Variants in COMMD7 observed in about 807,000 individuals in gnomAD.
COMMD7 encodes the protein COMM domain-containing protein 7.
COMMD7 carries 28 observed loss-of-function variants against 34.8 expected under a neutral mutation model. The ratio of observed to expected loss-of-function variants is 0.80; its 90% CI spans 0.60 to 1.10. The LOEUF is 1.10. Ranked by LOEUF, COMMD7 falls within the 50% of genes least tolerant of loss-of-function variation. COMMD7 has a pLI of 0.00. For synonymous variants in COMMD7, 80 were observed against 86.4 expected (o/e 0.93, Z 0.41); for missense variants, 211 against 241.6 (o/e 0.87, Z 0.84).
chr20:32,734,659 G>A (rs768632016), intron 1 of COMMD7, among the ~76,000 whole-genome samples: 7 of 152,052 alleles, frequency 4.6e-5, no homozygotes, highest in Non-Finnish European at 7.4e-5. Context: ...CAGGCACAGC[G>A]GCTCACGCCT....
At chr20:32,739,969 C>T (rs56375708) in intron 1 of COMMD7, among the ~76,000 whole-genome samples, 31,031 of 141,690 alleles carry the variant, frequency 0.22, 7,224 homozygotes, top group Non-Finnish European at 0.3. Context: ...TTTCAGTGAG[C>T]CGAGATCACA....
At position 32,704,802 on chromosome 20, in the gene COMMD7, G is replaced by GT; in HGVS notation, c.427+11dup. ...CCACCCAAATAACCCAGGACTGGTT[G>GT]TAACTAGTTACCTCCAAATTTCCAC... On this transcript the variant is annotated intron_variant, in intron 6 of 8. Coordinates refer to ENST00000278980, the MANE Select transcript of COMMD7 (RefSeq NM_053041.3). 6.2e-7 allele frequency: 1 copy of GT among 1,600,052 alleles called. No individual in the cohort carries two copies. The highest frequency in any genetic ancestry group is 8.6e-7 in the Non-Finnish European group (1 of 1,167,310).
chr20:32,739,717 G>T lies in COMMD7; in HGVS notation c.84+3591C>A, dbSNP rs116149352. ...TCCAGTGGCCACTTGCCACATAAGC[G>T]CTTGAAAAGGGCTAATCTGACCAGG... On this transcript the variant is annotated intron_variant, in intron 1 of 8. Coordinates refer to ENST00000278980, the MANE Select transcript of COMMD7 (RefSeq NM_053041.3). Among the ~76,000 whole-genome samples, 321 of 136,230 alleles carry T rather than the reference G, an allele frequency of 2.4e-3. 37 individuals carry two copies. Among genetic ancestry groups the T allele is most frequent in the African/African-American group, 8.7e-3 (313 of 35,866 alleles). 89.4% of individuals were successfully genotyped at this position (136,230 alleles called of 152,430 possible). A position where few individuals can be genotyped will look rare whatever the true frequency, so the allele number is the denominator to read the frequency against.
chr20:32,736,046 C>T (rs1251077147), intron 1 of COMMD7, among the ~76,000 whole-genome samples: 2 of 152,192 alleles, frequency 1.3e-5, no homozygotes, highest in Non-Finnish European at 2.9e-5. Flanking sequence ...CTATCTGCTT[C>T]TTCATTTTAT....
rs181799289 is a variant in COMMD7 at position 32,709,439 on chromosome 20, T to G, written c.242-2679A>C. On this transcript the variant is annotated intron_variant, in intron 3 of 8. Coordinates refer to ENST00000278980, the MANE Select transcript of COMMD7 (RefSeq NM_053041.3). ...ACAGGCTGGGCGCCTGTTACAAAATTAGCCAGGAGGGTGAGGCAGGAGAAT... is the reference window on the plus strand; with the variant it reads ...ACAGGCTGGGCGCCTGTTACAAAATGAGCCAGGAGGGTGAGGCAGGAGAAT... Among the ~76,000 whole-genome samples, 3 of 150,550 alleles carry G rather than the reference T, an allele frequency of 2.0e-5. No individual in the cohort carries two copies. The East Asian group carries it at 5.8e-4, about 29-fold the overall frequency.
At chr20:32,731,810 C>G (rs2145773549) in intron 1 of COMMD7, among the ~76,000 whole-genome samples, 1 of 152,328 alleles carries the variant, frequency 6.6e-6, no homozygotes, top group Middle Eastern at 3.4e-3. Context: ...CTCTGGAATG[C>G]TCACCCACCC....
intron 3 of COMMD7, among the ~76,000 whole-genome samples, chr20:32,710,304 T>C (rs773113370): frequency 6.6e-6 from 1 of 152,160 alleles, no homozygotes; most frequent in Non-Finnish European, 1.5e-5. Flanking sequence ...GAACACCAGC[T>C]TGATAAGAAC....
chr20:32,728,451 C>G (rs758777327), intron 1 of COMMD7, among the ~76,000 whole-genome samples: 1 of 15,960 alleles, frequency 6.3e-5, no homozygotes, highest in Non-Finnish European at 2.6e-4. Context: ...CAGACATACA[C>G]ACACACACAC....
intron 1 of COMMD7, among the ~76,000 whole-genome samples, chr20:32,736,450 C>A (rs1232722820): frequency 6.6e-6 from 1 of 151,978 alleles, no homozygotes; most frequent in Non-Finnish European, 1.5e-5. Flanking sequence ...GCCGGCGGAT[C>A]ACAAGGTCAG....
intron 1 of COMMD7, among the ~76,000 whole-genome samples, chr20:32,733,351 C>T (rs6119942): frequency 0.26 from 39,394 of 151,704 alleles, 5,262 homozygotes; most frequent in Middle Eastern, 0.31. Flanking sequence ...GAGGTTGAGG[C>T]GGGGGGATAA....
intron 8 of COMMD7, chr20:32,703,681 C>A (rs28482886): frequency 0.69 from 994,113 of 1,436,054 alleles, 349,118 homozygotes; most frequent in Middle Eastern, 0.79. Context: ...AATGGCACAG[C>A]TCCATGGCAC....
intron 3 of COMMD7, among the ~76,000 whole-genome samples, chr20:32,710,420 C>A (rs753842855): frequency 3.3e-5 from 5 of 152,036 alleles, no homozygotes; most frequent in Admixed American, 2.0e-4. Context: ...ATGCAAGAAT[C>A]CTTACAATGG....
At chr20:32,728,728 G>A (rs1312092540) in intron 1 of COMMD7, among the ~76,000 whole-genome samples, 2 of 151,568 alleles carry the variant, frequency 1.3e-5, no homozygotes, top group Admixed American at 6.6e-5. Flanking sequence ...CACCATACCC[G>A]ACTAATTTTT....
At chr20:32,717,637 T>A (rs991239672) in intron 3 of COMMD7, among the ~76,000 whole-genome samples, 2 of 151,986 alleles carry the variant, frequency 1.3e-5, no homozygotes, top group Admixed American at 6.6e-5. Flanking sequence ...ATTTTTTTTA[T>A]TTTTTGTAGA....
chr20:32,710,035 T>C (rs1984342991), intron 3 of COMMD7, among the ~76,000 whole-genome samples: 1 of 152,006 alleles, frequency 6.6e-6, no homozygotes. Context: ...TGCTCCACAA[T>C]GCTTGACTAA....
At chr20:32,718,038 G>A (rs955674254) in intron 3 of COMMD7, among the ~76,000 whole-genome samples, 55 of 151,418 alleles carry the variant, frequency 3.6e-4, no homozygotes, top group Middle Eastern at 3.4e-3. Context: ...GCAGCGAGCC[G>A]AGATCGTGCC....
intron 1 of COMMD7, among the ~76,000 whole-genome samples, chr20:32,731,362 G>T (rs1205817290): frequency 1.3e-5 from 2 of 152,138 alleles, no homozygotes; most frequent in Non-Finnish European, 2.9e-5. Flanking sequence ...CAAGCATGGT[G>T]GTATGCACCT....
intron 1 of COMMD7, among the ~76,000 whole-genome samples, chr20:32,731,420 C>G (rs1378217491): frequency 6.6e-6 from 1 of 152,158 alleles, no homozygotes; most frequent in African/African-American, 2.4e-5. Flanking sequence ...TGCTTGAGCC[C>G]AGGAGCTTGA....
In COMMD7 at chr20:32,703,354, G is replaced by T. The variant is rs199516403; in HGVS notation, c.*28C>A. The T allele has an allele frequency of 6.2e-7, 1 of 1,602,604 alleles. No homozygotes were observed. The highest frequency in any genetic ancestry group is 1.1e-5 in the South Asian group (1 of 90,014). On this transcript the variant is annotated 3_prime_UTR_variant, in exon 9 of 9. Transcript: ENST00000278980. ...CAGGGAAGGGAGGAGGGCAGGGAAC[G>T]GGGCCAGGGGAGATGCAGGGACAGA...
Sources: gnomAD v4.1 joint callset for allele counts (sites outside exome capture counted in the v4.1 genomes callset) on GRCh38, gnomAD v4.1.1 for gene constraint, MANE v1.5 for transcripts, NCBI Gene and HGNC (gene_info 2026-07-23, HGNC 2026-07-21) for gene names.